Variants in PLS1 observed in about 807,000 individuals in gnomAD.
PLS1 encodes the protein plastin-1.
A neutral mutation model predicts 73.7 loss-of-function variants in PLS1; 32 were observed. The observed-to-expected ratio is 0.43, with a 90% CI of 0.33 to 0.58. The LOEUF is 0.58. Among genes scored for constraint, PLS1 ranks in the 20% least tolerant of loss-of-function variants. The probability of loss-of-function intolerance (pLI) is 0.04; values close to 1 mark genes in which losing one functional copy is unlikely to be tolerated. For synonymous variants in PLS1, 217 were observed against 261.3 expected (o/e 0.83, Z 1.63); for missense variants, 633 against 740.5 (o/e 0.85, Z 1.68).
intron 1 of PLS1, among the ~76,000 whole-genome samples, chr3:142,663,954 T>C (rs1311651453): frequency 6.6e-6 from 1 of 152,242 alleles, no homozygotes; most frequent in Non-Finnish European, 1.5e-5. Context: ...CATTAGGCTA[T>C]TGAGAAATAT....
At chr3:142,692,711 A>G (rs1236487822) in intron 10 of PLS1, among the ~76,000 whole-genome samples, 1 of 152,140 alleles carries the variant, frequency 6.6e-6, no homozygotes, top group Non-Finnish European at 1.5e-5. Context: ...CTGCATCATT[A>G]GGTTCAACAG....
chr3:142,674,235 A>T (rs757397027), intron 4 of PLS1, among the ~76,000 whole-genome samples: 1 of 152,176 alleles, frequency 6.6e-6, no homozygotes, highest in African/African-American at 2.4e-5. Flanking sequence ...TATTTTAGTG[A>T]TCTCTGAATT....
chr3:142,700,729 G>A (rs2038315032), intron 12 of PLS1, among the ~76,000 whole-genome samples: 1 of 152,170 alleles, frequency 6.6e-6, no homozygotes, highest in Non-Finnish European at 1.5e-5. Flanking sequence ...AGCATTTAAA[G>A]TACTTGGTAA....
At chr3:142,709,552 CA>C (rs1288941498) in intron 14 of PLS1, among the ~76,000 whole-genome samples, 1 of 152,218 alleles carries the variant, frequency 6.6e-6, no homozygotes, top group Non-Finnish European at 1.5e-5. Flanking sequence ...CACAGTGGCT[CA>C]GGCCTGTAAT....
At chr3:142,704,819 T>C (rs1364010457) in intron 14 of PLS1, among the ~76,000 whole-genome samples, 3 of 149,940 alleles carry the variant, frequency 2.0e-5, no homozygotes, top group Non-Finnish European at 3.0e-5. Context: ...CGGCTAATTT[T>C]TTTTTTTTTT....
At chr3:142,691,359 G>GA (rs2038083048) in intron 10 of PLS1, among the ~76,000 whole-genome samples, 1 of 151,412 alleles carries the variant, frequency 6.6e-6, no homozygotes, top group South Asian at 2.1e-4. Context: ...ATTAGAACTT[G>GA]AAAAAAAATA....
chr3:142,608,463 C>G lies in PLS1; in HGVS notation c.-37+11954C>G, dbSNP rs115359889. ...TCCAATGTATATTGAGTACTTCCAC[C>G]TACATCAATCCCAGTAATTCTCAAA... On this transcript the variant is annotated intron_variant, in intron 1 of 15. Transcript: ENST00000457734. Among the ~76,000 whole-genome samples the G allele has an allele frequency of 1.5e-3, 228 of 152,262 alleles. 2 individuals carry two copies. The highest frequency in any genetic ancestry group is 5.3e-3 in the African/African-American group (222 of 41,522).
At chr3:142,653,201 T>G (rs1461469152) in intron 1 of PLS1, among the ~76,000 whole-genome samples, 1 of 152,206 alleles carries the variant, frequency 6.6e-6, no homozygotes, top group Non-Finnish European at 1.5e-5. Flanking sequence ...TGTTTCTGTT[T>G]TCTTCACGTC....
chr3:142,696,032 G>C (rs980761309), intron 11 of PLS1, among the ~76,000 whole-genome samples: 1 of 152,196 alleles, frequency 6.6e-6, no homozygotes, highest in African/African-American at 2.4e-5. Context: ...GACCTCAGGT[G>C]ATCTGCCTGC....
intron 1 of PLS1, among the ~76,000 whole-genome samples, chr3:142,646,758 A>G (rs1577832109): frequency 1.3e-5 from 2 of 152,262 alleles, no homozygotes; most frequent in East Asian, 3.8e-4. Flanking sequence ...CTTTGAGTCA[A>G]TGCCCTGAAT....
chr3:142,641,412 T>C (rs1241944748), intron 1 of PLS1, among the ~76,000 whole-genome samples: 1 of 150,274 alleles, frequency 6.7e-6, no homozygotes, highest in African/African-American at 2.4e-5. Flanking sequence ...CCAAAATAGC[T>C]CCTATTATCA....
In PLS1 at chr3:142,711,567, C is replaced by T. The variant is rs376551285; in HGVS notation, c.1696C>T (p.Arg566Cys). ...LIDAIAPNAVRQEMIRRENLS... is the reference protein window; with the variant it reads ...LIDAIAPNAVCQEMIRRENLS... The stretch of plus-strand genomic sequence containing the variant: ...AGATGCCATTGCACCAAATGCAGTT[C>T]GTCAAGAAATGATCAGGAGAGAAAA... The change falls in exon 15 of 16, where the codon CGT (arginine) becomes TGT (cysteine). Residue 566 changes from arginine (R) to cysteine (C), a missense_variant. Coordinates refer to ENST00000457734, the MANE Select transcript of PLS1 (RefSeq NM_001145319.2). 6 of 1,604,892 alleles carry T rather than the reference C, an allele frequency of 3.7e-6. No homozygotes were observed. The highest frequency in any genetic ancestry group is 1.3e-5 in the African/African-American group (1 of 74,722).
Position 142,631,561 on chromosome 3 carries a change from T to G in PLS1, c.-36-32641T>G, listed in dbSNP as rs188849883. On this transcript the variant is annotated intron_variant, in intron 1 of 15. Transcript: ENST00000457734. ...CTGTGGTCCCAGCTACTCGGGAGAC[T>G]GAGGTGGAAGAATTACTTGAGCCTG... Among the ~76,000 whole-genome samples, 97 of 146,072 alleles carry G rather than the reference T, an allele frequency of 6.6e-4. 2 individuals are homozygous for G. The highest frequency in any genetic ancestry group is 2.4e-3 in the African/African-American group (93 of 39,230).
chr3:142,647,706 G>A (rs1326672402), intron 1 of PLS1, among the ~76,000 whole-genome samples: 1 of 151,986 alleles, frequency 6.6e-6, no homozygotes, highest in African/African-American at 2.4e-5. Flanking sequence ...GTTTCGTTAT[G>A]TTGACCAGAC....
intron 1 of PLS1, among the ~76,000 whole-genome samples, chr3:142,629,168 C>A (rs2036497325): frequency 6.6e-6 from 1 of 150,908 alleles, no homozygotes; most frequent in African/African-American, 2.5e-5. Context: ...ACAACTGCTA[C>A]TTTTGGTGGC....
intron 14 of PLS1, 33 bp downstream of exon 14, chr3:142,704,619 GT>G: frequency 2.0e-6 from 1 of 497,410 alleles, no homozygotes; most frequent in South Asian, 4.3e-5. Context: ...ATTTTTTTTT[GT>G]AGGTATAGGA....
chr3:142,710,620 G>A (rs1338658247), intron 14 of PLS1, among the ~76,000 whole-genome samples: 1 of 152,164 alleles, frequency 6.6e-6, no homozygotes, highest in Non-Finnish European at 1.5e-5. Flanking sequence ...TGAAGCTGAT[G>A]TCTGTGTGAA....
rs757266044 is a variant in PLS1 at position 142,684,311 on chromosome 3, C to T, written c.804C>T (p.Pro268=). The stretch of plus-strand genomic sequence containing the variant: ...TAGAGGAGCTGATGAAGCTTTCTCC[C>T]GAGGAATTACTGCTGCGATGGGTGA... The part of the protein sequence containing the change: ...EELEELMKLS[P]EELLLRWVNY... Residue 268 remains proline (P), a synonymous_variant, in exon 8 of 16, where the codon CCC becomes CCT. Coordinates refer to ENST00000457734, the MANE Select transcript of PLS1 (RefSeq NM_001145319.2). The T allele has an allele frequency of 2.2e-5, 35 of 1,613,728 alleles. No individual in the cohort carries two copies. The highest frequency in any genetic ancestry group is 1.6e-4 in the Middle Eastern group (1 of 6,082).
At chr3:142,622,703 A>T (rs2036339308) in intron 1 of PLS1, among the ~76,000 whole-genome samples, 1 of 152,202 alleles carries the variant, frequency 6.6e-6, no homozygotes, top group Admixed American at 6.5e-5. Flanking sequence ...GCCTCACTTA[A>T]ATGGTAGTAT....
Sources: gnomAD v4.1 joint callset for allele counts (sites outside exome capture counted in the v4.1 genomes callset) on GRCh38, gnomAD v4.1.1 for gene constraint, MANE v1.5 for transcripts, NCBI Gene and HGNC (gene_info 2026-07-23, HGNC 2026-07-21) for gene names.